UGT1A5: variants seen among roughly 807,000 people sequenced by gnomAD.
UGT1A5 encodes the protein UDP-glucuronosyltransferase 1A5.
UGT1A5 carries 29 observed loss-of-function variants against 40.3 expected under a neutral mutation model. The ratio of observed to expected loss-of-function variants is 0.72; its 90% CI spans 0.54 to 0.98. The LOEUF is 0.98. Among genes scored for constraint, UGT1A5 ranks in the 50% least tolerant of loss-of-function variants. UGT1A5 has a pLI of 0.00. For missense variants in UGT1A5, 678 were observed against 677.9 expected (o/e 1.00, Z 0.00); for synonymous variants, 257 against 262.5 (o/e 0.98, Z 0.20).
chr2:233,724,596 C>T (rs202203863), intron 1 of UGT1A5, among the ~76,000 whole-genome samples: 7 of 113,880 alleles, frequency 6.1e-5, no homozygotes, highest in Non-Finnish European at 1.1e-4. Flanking sequence ...ACATCTCAGA[C>T]GATGGGCGGC....
rs180748838 is a variant in UGT1A5, at chr2:233,756,669, G to A, written c.868-10365G>A. ...AACATGGGATGCAGTGATTATTTCC[G>A]CTAGAACTGCTATATAATGACGATG... On this transcript the variant is annotated intron_variant, in intron 1 of 4. Transcript: ENST00000373414. 6.9e-4 allele frequency among the ~76,000 whole-genome samples: 105 copies of A among 152,198 alleles called. No homozygotes were observed. In the South Asian group the frequency reaches 9.1e-3, roughly 13 times the overall value.
At chr2:233,761,264 T>G in intron 1 of UGT1A5, 1 of 1,597,186 alleles carries the variant, frequency 6.3e-7, no homozygotes, top group Non-Finnish European at 8.5e-7. Flanking sequence ...TAATTTAAAA[T>G]GCCCTCTTTT....
At position 233,713,363 on chromosome 2, in the gene UGT1A5, A is replaced by T. The variant is rs753739474; in HGVS notation, c.372A>T (p.Ile124=). 1.2e-5 allele frequency: 20 copies of T among 1,614,076 alleles called. No homozygotes were observed. Among genetic ancestry groups the T allele is most frequent in the East Asian group, 2.2e-5 (1 of 44,894 alleles). The change falls in exon 1 of 5, where the codon ATA becomes ATT. Residue 124 remains isoleucine, a synonymous_variant. Transcript: ENST00000373414. ...MAIMNNMSLI[I]HRSCVELLHN... is the part of the protein sequence containing the mutation. ...TTATGAACAATATGTCTTTGATCAT[A>T]CATAGGTCTTGTGTGGAGCTACTGC...
intron 1 of UGT1A5, among the ~76,000 whole-genome samples, chr2:233,715,001 C>G (rs1309641293): frequency 6.6e-6 from 1 of 152,178 alleles, no homozygotes; most frequent in Admixed American, 6.5e-5. Context: ...CTCAGCCTCC[C>G]AAGTAGCTGG....
At chr2:233,716,708 A>G (rs545816882) in intron 1 of UGT1A5, among the ~76,000 whole-genome samples, 1 of 152,306 alleles carries the variant, frequency 6.6e-6, no homozygotes, top group South Asian at 2.1e-4. Flanking sequence ...TAAAAACACT[A>G]AAGAGTTCCA....
intron 1 of UGT1A5, among the ~76,000 whole-genome samples, chr2:233,716,917 G>A (rs2076533207): frequency 6.6e-6 from 1 of 152,116 alleles, no homozygotes. Flanking sequence ...CCTGGAAGCT[G>A]ATGCCTTGGG....
chr2:233,747,312 G>T, intron 1 of UGT1A5: 1 of 1,603,228 alleles, frequency 6.2e-7, no homozygotes, highest in Non-Finnish European at 8.5e-7. Context: ...AGGTGCTGGT[G>T]GTACCCATTG....
At chr2:233,744,237 T>A (rs1220461600) in intron 1 of UGT1A5, among the ~76,000 whole-genome samples, 1 of 151,784 alleles carries the variant, frequency 6.6e-6, no homozygotes, top group African/African-American at 2.4e-5. Context: ...GGGCCTTGAC[T>A]TTGGCTGCCT....
chr2:233,745,629 A>T (rs1334214032), intron 1 of UGT1A5, among the ~76,000 whole-genome samples: 1 of 151,506 alleles, frequency 6.6e-6, no homozygotes, highest in East Asian at 1.9e-4. Context: ...ACAGTCATAG[A>T]AAGCTGGCCG....
intron 1 of UGT1A5, chr2:233,718,618 T>G: frequency 1.1e-6 from 1 of 872,510 alleles, no homozygotes; most frequent in Non-Finnish European, 1.4e-6. Context: ...AAGATAGGCG[T>G]GATTGGTCTT....
At chr2:233,743,810 G>C (rs765761325) in intron 1 of UGT1A5, 1 of 1,367,316 alleles carries the variant, frequency 7.3e-7, no homozygotes, top group Non-Finnish European at 9.8e-7. Flanking sequence ...CTTGTTCTCA[G>C]GGTTTTTGTC....
At chr2:233,745,951 T>G (rs946594198) in intron 1 of UGT1A5, among the ~76,000 whole-genome samples, 1 of 151,238 alleles carries the variant, frequency 6.6e-6, no homozygotes, top group African/African-American at 2.4e-5. Context: ...GTTGGGCAAC[T>G]GGGGGACAGG....
At chr2:233,748,415 T>A (rs1693936731) in intron 1 of UGT1A5, among the ~76,000 whole-genome samples, 1 of 151,852 alleles carries the variant, frequency 6.6e-6, no homozygotes, top group Non-Finnish European at 1.5e-5. Context: ...ACATTGAGAC[T>A]TGACCCATCT....
At chr2:233,760,651 A>G (rs1358018329) in intron 1 of UGT1A5, 1 of 1,614,196 alleles carries the variant, frequency 6.2e-7, no homozygotes, top group South Asian at 1.1e-5. Context: ...GGACTCTGCT[A>G]TGCTTTTGTC....
At chr2:233,717,869 T>G in intron 1 of UGT1A5, 1 of 454,868 alleles carries the variant, frequency 2.2e-6, no homozygotes, top group South Asian at 1.6e-5. Context: ...TGGATTGACT[T>G]GGAGAAAAGC....
intron 1 of UGT1A5, chr2:233,743,799 C>T: frequency 7.3e-7 from 1 of 1,367,352 alleles, no homozygotes. Flanking sequence ...TCCGCTTCCT[C>T]CTTGTTCTCA....
chr2:233,754,059 A>G (rs973727066), intron 1 of UGT1A5, among the ~76,000 whole-genome samples: 4 of 152,238 alleles, frequency 2.6e-5, no homozygotes, highest in Admixed American at 1.3e-4. Context: ...ACCTGCTTTT[A>G]TAAAGCCTGG....
chr2:233,717,547 C>T (rs888437914), intron 1 of UGT1A5, among the ~76,000 whole-genome samples: 1 of 152,196 alleles, frequency 6.6e-6, no homozygotes, highest in African/African-American at 2.4e-5. Flanking sequence ...TCAGCCTCAC[C>T]AGCAATGGCA....
At chr2:233,735,728 T>G (rs1486359906) in intron 1 of UGT1A5, among the ~76,000 whole-genome samples, 42 of 152,184 alleles carry the variant, frequency 2.8e-4, no homozygotes, top group Admixed American at 2.7e-3. Context: ...CTCTCAGCAT[T>G]TGCTTGTCTA....
Sources: allele counts gnomAD v4.1 joint callset (sites outside exome capture counted in the v4.1 genomes callset), GRCh38; gene constraint gnomAD v4.1.1; transcripts MANE v1.5; gene names NCBI Gene and HGNC (gene_info 2026-07-23, HGNC 2026-07-21).